The following TENM2 variants were observed in gnomAD, a reference collection of about 807,000 sequenced individuals.
TENM2 encodes the protein teneurin transmembrane protein 2.
In TENM2, 52 loss-of-function variants were observed where a neutral mutation model predicts 245.2. That is an observed-to-expected ratio of 0.21 (90% CI 0.17 to 0.27). The LOEUF is 0.27. TENM2 is among the 10% of genes least tolerant of loss of function. The probability of loss-of-function intolerance (pLI) is 1.00; values close to 1 mark genes in which losing one functional copy is unlikely to be tolerated. For synonymous variants in TENM2, 1,363 were observed against 1,438.9 expected (o/e 0.95, Z 1.19); for missense variants, 3,046 against 3,666.8 (o/e 0.83, Z 4.37).
chr5:167,186,099 C>T, the TENM2 span, among the ~76,000 whole-genome samples: 2 of 152,010 alleles, frequency 1.3e-5, no homozygotes, highest in African/African-American at 2.4e-5. Flanking sequence ...AGCCAATGGC[C>T]CAGAATGTGG....
intron 13 of TENM2, chr5:168,187,567 G>A (rs999373996): frequency 4.6e-5 from 7 of 152,206 alleles, no homozygotes; most frequent in Admixed American, 4.6e-4. Flanking sequence ...GCTGCTGAAG[G>A]AAGCCCTGCC....
At chr5:166,980,668 G>A in the TENM2 span, among the ~76,000 whole-genome samples, 1 of 152,144 alleles carries the variant, frequency 6.6e-6, no homozygotes, top group Non-Finnish European at 1.5e-5. Context: ...AGGAATCAGT[G>A]TATAGTTGTA....
At chr5:167,732,661 T>G (rs2150562365) in intron 2 of TENM2, among the ~76,000 whole-genome samples, 1 of 152,320 alleles carries the variant, frequency 6.6e-6, no homozygotes, top group East Asian at 1.9e-4. Context: ...TAGTGACATG[T>G]AGTGACACTT....
the TENM2 span, among the ~76,000 whole-genome samples, chr5:167,101,193 C>G: frequency 6.6e-6 from 1 of 152,132 alleles, no homozygotes; most frequent in African/African-American, 2.4e-5. Context: ...AAATGATCTA[C>G]CTCAATTCCA....
chr5:167,157,546 T>C, the TENM2 span, among the ~76,000 whole-genome samples: 1 of 152,204 alleles, frequency 6.6e-6, no homozygotes, highest in Admixed American at 6.5e-5. Flanking sequence ...CAGTAAGGAC[T>C]TTTAGACGTG....
At chr5:167,546,283 T>C (rs1562043963) in intron 2 of TENM2, among the ~76,000 whole-genome samples, 1 of 152,198 alleles carries the variant, frequency 6.6e-6, no homozygotes, top group Non-Finnish European at 1.5e-5. Context: ...TGTCTTCTTT[T>C]TTTGTTTGTT....
chr5:167,133,680 G>T, the TENM2 span, among the ~76,000 whole-genome samples: 1 of 150,976 alleles, frequency 6.6e-6, no homozygotes, highest in Non-Finnish European at 1.5e-5. Flanking sequence ...TTTCCTGCTG[G>T]ATTTGGTTTG....
intron 19 of TENM2, among the ~76,000 whole-genome samples, chr5:168,209,308 T>C (rs1762611927): frequency 6.6e-6 from 1 of 152,256 alleles, no homozygotes; most frequent in African/African-American, 2.4e-5. Flanking sequence ...ATGATGCTCA[T>C]TAACCAGTTT....
rs144229950 is a variant in TENM2 at position 167,579,428 on chromosome 5, A to G, written c.502+203955A>G. The stretch of plus-strand genomic sequence containing the variant: ...TGTCTTAGTATAATAGGAATTTACA[A>G]TCATATCATTATTGTCTGTTATTTG... On this transcript the variant is annotated intron_variant, in intron 2 of 28. Coordinates refer to ENST00000518659, the Ensembl canonical transcript of TENM2. 2.4e-4 allele frequency among the ~76,000 whole-genome samples: 37 copies of G among 152,306 alleles called. No homozygotes were observed. In the East Asian group the frequency reaches 5.2e-3, roughly 21 times the overall value.
chr5:167,666,908 A>G (rs1483719153), intron 2 of TENM2, among the ~76,000 whole-genome samples: 1 of 152,180 alleles, frequency 6.6e-6, no homozygotes, highest in East Asian at 1.9e-4. Context: ...AAGGTGCTCA[A>G]CCATCCAGGT....
At chr5:167,376,257 A>T (rs1760742427) in intron 2 of TENM2, among the ~76,000 whole-genome samples, 1 of 152,192 alleles carries the variant, frequency 6.6e-6, no homozygotes, top group Non-Finnish European at 1.5e-5. Flanking sequence ...ACATTTTTTT[A>T]AAAAGATAAA....
intron 12 of TENM2, among the ~76,000 whole-genome samples, chr5:168,131,985 T>G (rs921240332): frequency 6.6e-6 from 1 of 152,144 alleles, no homozygotes; most frequent in African/African-American, 2.4e-5. Context: ...ATGGATAAAC[T>G]TTTAACAGAA....
At chr5:168,074,787 G>T (rs777253853) in intron 7 of TENM2, among the ~76,000 whole-genome samples, 18 of 152,168 alleles carry the variant, frequency 1.2e-4, no homozygotes, top group Non-Finnish European at 2.1e-4. Flanking sequence ...TATTTCAGGT[G>T]GCTCCCCCTG....
chr5:167,148,818 C>CTGG, the TENM2 span, among the ~76,000 whole-genome samples: 2 of 152,068 alleles, frequency 1.3e-5, no homozygotes, highest in East Asian at 3.9e-4. Flanking sequence ...ATTCAATATT[C>CTGG]TGGACCATAG....
chr5:167,792,144 G>GGAT (rs1237389663), intron 2 of TENM2, among the ~76,000 whole-genome samples: 1 of 152,090 alleles, frequency 6.6e-6, no homozygotes, highest in Non-Finnish European at 1.5e-5. Context: ...CTCGTTTATG[G>GGAT]GATCTTCCTA....
At chr5:167,571,459 G>T (rs1273885097) in intron 2 of TENM2, among the ~76,000 whole-genome samples, 1 of 152,040 alleles carries the variant, frequency 6.6e-6, no homozygotes, top group Non-Finnish European at 1.5e-5. Context: ...TTACATTCCT[G>T]TAAGAAATAT....
chr5:167,131,336 G>T, the TENM2 span, among the ~76,000 whole-genome samples: 1 of 152,188 alleles, frequency 6.6e-6, no homozygotes, highest in African/African-American at 2.4e-5. Context: ...TCTAATATGT[G>T]CCAGGCCTTT....
Position 168,201,170 on chromosome 5 carries a change from G to T in TENM2, c.3430+1039G>T, listed in dbSNP as rs939034179. 6.6e-5 allele frequency among the ~76,000 whole-genome samples: 10 copies of T among 152,134 alleles called. No homozygotes were observed. The East Asian group carries it at 1.7e-3, about 26-fold the overall frequency. On this transcript the variant is annotated intron_variant, in intron 17 of 28. Coordinates refer to ENST00000518659, the Ensembl canonical transcript of TENM2. ...ACACCTGCTCAGAATACAGCCCTGGGGGTCTGCTCCATCAGTGAGTGGTGT... is the reference window on the plus strand; with the variant it reads ...ACACCTGCTCAGAATACAGCCCTGGTGGTCTGCTCCATCAGTGAGTGGTGT...
intron 12 of TENM2, among the ~76,000 whole-genome samples, chr5:168,158,850 T>TACACACACAC (rs764713880): frequency 1.6e-5 from 1 of 62,332 alleles, no homozygotes; most frequent in Non-Finnish European, 3.1e-5. Flanking sequence ...TATATATATA[T>TACACACACAC]ACACACACAC....
Sources: allele counts gnomAD v4.1 joint callset (sites outside exome capture counted in the v4.1 genomes callset), GRCh38; gene constraint gnomAD v4.1.1; transcripts MANE v1.5; gene names NCBI Gene and HGNC (gene_info 2026-07-23, HGNC 2026-07-21).